Variants in BIRC6 observed in about 807,000 individuals in gnomAD.
BIRC6 encodes baculoviral IAP repeat containing 6.
In BIRC6, 98 loss-of-function variants were observed where a neutral mutation model predicts 503.3. The observed-to-expected ratio is 0.19, with a 90% CI of 0.17 to 0.23. The LOEUF (loss-of-function observed/expected upper bound fraction) is 0.23. BIRC6 is among the 10% of genes least tolerant of loss of function. The pLI is 1.00. For missense variants in BIRC6, 5,360 were observed against 5,806.0 expected, an observed-to-expected ratio of 0.92 and a Z score of 2.50; for synonymous variants, 2,240 against 2,078.7, an observed-to-expected ratio of 1.08 and a Z score of -2.11.
chr2:32,573,061 C>T (rs2060026175), intron 65 of BIRC6, among the ~76,000 whole-genome samples: 1 of 152,202 alleles, frequency 6.6e-6, no homozygotes, highest in Non-Finnish European at 1.5e-5. Context: ...ATATAGCATT[C>T]AGAATACTTA....
At chr2:32,411,093 C>T (rs1467598563) in intron 9 of BIRC6, among the ~76,000 whole-genome samples, 1 of 151,824 alleles carries the variant, frequency 6.6e-6, no homozygotes, top group Non-Finnish European at 1.5e-5. Context: ...GGCTGGAGTG[C>T]AATGGCGTGA....
At chr2:32,477,636 T>G (rs1425825347) in intron 35 of BIRC6, 53 bp downstream of exon 35, 1 of 1,414,052 alleles carries the variant, frequency 7.1e-7, no homozygotes, top group Non-Finnish European at 9.8e-7. Context: ...CAGTGGCTCA[T>G]GCCTGTAATC....
chr2:32,419,819 T>G (rs540170465), intron 10 of BIRC6, among the ~76,000 whole-genome samples: 25 of 152,342 alleles, frequency 1.6e-4, no homozygotes, highest in African/African-American at 5.8e-4. Flanking sequence ...CTGGGATTAT[T>G]GGACTGTATG....
intron 15 of BIRC6, among the ~76,000 whole-genome samples, chr2:32,439,168 GAC>G (rs1184233223): frequency 6.6e-6 from 1 of 151,894 alleles, no homozygotes; most frequent in Non-Finnish European, 1.5e-5. Flanking sequence ...ATAGCTTAAT[GAC>G]AGTTTTGTGT....
chr2:32,490,957 T>G (rs1192804554), intron 43 of BIRC6, among the ~76,000 whole-genome samples: 1 of 152,194 alleles, frequency 6.6e-6, no homozygotes. Context: ...CAAAGGATAT[T>G]TTATTCATCT....
intron 47 of BIRC6, 21 bp downstream of exon 47, chr2:32,501,909 G>A (rs1378689591): frequency 6.4e-7 from 1 of 1,571,766 alleles, no homozygotes; most frequent in East Asian, 2.2e-5. Flanking sequence ...GCCAACAACA[G>A]TTGCAGTGAT....
chr2:32,370,059 T>C (rs1392806614), intron 1 of BIRC6, among the ~76,000 whole-genome samples: 1 of 142,978 alleles, frequency 7.0e-6, no homozygotes, highest in Non-Finnish European at 1.5e-5. Flanking sequence ...TGTGTGTATG[T>C]ATACACACAC....
chr2:32,429,271 A>C lies in BIRC6; in HGVS notation c.2998A>C (p.Asn1000His), dbSNP rs2043848047. The change falls in exon 11 of 74, where the codon AAT becomes CAT. Residue 1000 changes from asparagine (N) to histidine (H), a missense_variant. By Grantham distance (68) the Asn-to-His change is moderately conservative. Coordinates refer to ENST00000421745, the MANE Select transcript of BIRC6 (RefSeq NM_016252.4). ...TTCAGAAGGTTCCAAACCTTTATCA[A>C]ATCCTTCAAGTCCTGGCATTTCAGG... ...PSSEGSKPLS[N>H]PSSPGISGVD... The C allele has an allele frequency of 6.5e-7, 1 of 1,528,650 alleles. No homozygotes were observed. The highest frequency in any genetic ancestry group is 8.8e-7 in the Non-Finnish European group (1 of 1,139,808). The allele number at this position is 1,528,650 out of a possible 1,614,324, so 94.7% of individuals were successfully genotyped here.
intron 8 of BIRC6, among the ~76,000 whole-genome samples, chr2:32,403,090 A>T (rs925950970): frequency 6.6e-6 from 1 of 152,204 alleles, no homozygotes; most frequent in Non-Finnish European, 1.5e-5. Context: ...GTCTCAAACA[A>T]ATCATACAAA....
intron 72 of BIRC6, among the ~76,000 whole-genome samples, chr2:32,608,958 C>G (rs1559151175): frequency 6.6e-6 from 1 of 152,010 alleles, no homozygotes; most frequent in Non-Finnish European, 1.5e-5. Context: ...CGGCTTACTG[C>G]ACCCTCCGCC....
intron 22 of BIRC6, among the ~76,000 whole-genome samples, chr2:32,452,246 C>G (rs1477816770): frequency 6.6e-6 from 1 of 152,142 alleles, no homozygotes; most frequent in Non-Finnish European, 1.5e-5. Context: ...TCCTCTGATA[C>G]TTCACATTTT....
chr2:32,540,260 C>T (rs576417986), intron 61 of BIRC6, among the ~76,000 whole-genome samples: 2 of 152,104 alleles, frequency 1.3e-5, no homozygotes, highest in Admixed American at 6.5e-5. Flanking sequence ...GAGCATTTGA[C>T]TACTTTAGAA....
intron 44 of BIRC6, 23 bp downstream of exon 44, chr2:32,491,581 ATATGCCCAGAC>A (rs1422718153): frequency 1.2e-6 from 2 of 1,609,294 alleles, no homozygotes; most frequent in Non-Finnish European, 1.7e-6. Context: ...TTAGCCTGGC[ATATGCCCAGAC>A]TATTCAATAA....
At chr2:32,585,146 G>GTA (rs2060942618) in intron 66 of BIRC6, among the ~76,000 whole-genome samples, 1 of 152,082 alleles carries the variant, frequency 6.6e-6, no homozygotes, top group African/African-American at 2.4e-5. Context: ...GTAGCAAAGG[G>GTA]TATATATCAG....
rs540325705 is a variant in BIRC6 at position 32,516,342 on chromosome 2, C to T, written c.11349+572C>T. On this transcript the variant is annotated intron_variant, in intron 55 of 73. Transcript: ENST00000421745. ...CAGTCTGGCCAACATGGTGAAACCC[C>T]ATCTCTCCTAAAAATACAAAAAAAT... Among the ~76,000 whole-genome samples, 3 of 151,758 alleles carry T rather than the reference C, an allele frequency of 2.0e-5. No homozygotes were observed. The South Asian group carries it at 6.3e-4, about 32-fold the overall frequency.
chr2:32,594,829 TTTATTGTTATGTTTATG>T (rs1212396479), intron 67 of BIRC6, among the ~76,000 whole-genome samples, 188 bp from the exon 68 acceptor site: 2 of 152,204 alleles, frequency 1.3e-5, no homozygotes, highest in African/African-American at 4.8e-5. Flanking sequence ...ATGTTTTTGC[TTTATTGTTATGTTTATG>T]TTATTGTTAT....
intron 5 of BIRC6, 91 bp from the exon 6 acceptor site, chr2:32,395,420 T>C: frequency 9.6e-7 from 1 of 1,042,232 alleles, no homozygotes; most frequent in Non-Finnish European, 1.4e-6. Context: ...GAATTTTACT[T>C]AAAATTATGA....
rs953986344 is a variant in BIRC6, at chr2:32,558,316, T to A, written c.13144+8835T>A. 6.4e-5 allele frequency among the ~76,000 whole-genome samples: 9 copies of A among 139,726 alleles called. No individual in the cohort carries two copies. In the East Asian group the frequency reaches 1.9e-3, roughly 30 times the overall value. 91.7% of individuals were successfully genotyped at this position (139,726 alleles called of 152,430 possible). A position where few individuals can be genotyped will look rare whatever the true frequency, so the allele number is the denominator to read the frequency against. The stretch of plus-strand genomic sequence containing the variant: ...TGTATTTAATGTGAACTGCAATTTA[T>A]ATACAAAAAACTACACATACTTAGT... On this transcript the variant is annotated intron_variant, in intron 65 of 73. Coordinates refer to ENST00000421745, the MANE Select transcript of BIRC6 (RefSeq NM_016252.4).
At chr2:32,529,596 C>G (rs1487306295) in intron 59 of BIRC6, 55 bp from the exon 60 acceptor site, 1 of 1,399,942 alleles carries the variant, frequency 7.1e-7, no homozygotes, top group African/African-American at 1.5e-5. Context: ...AATAATTAAA[C>G]CAAGTAAATG....
Sources: gnomAD v4.1 joint callset for allele counts (sites outside exome capture counted in the v4.1 genomes callset) on GRCh38, gnomAD v4.1.1 for gene constraint, MANE v1.5 for transcripts, NCBI Gene and HGNC (gene_info 2026-07-23, HGNC 2026-07-21) for gene names.